The following SLC2A9 variants were observed in gnomAD, a reference collection of about 807,000 sequenced individuals.
SLC2A9 encodes the protein solute carrier family 2 member 9, also known as solute carrier family 2, facilitated glucose transporter member 9.
SLC2A9 carries 39 observed loss-of-function variants against 50.6 expected under a neutral mutation model. That is an observed-to-expected ratio of 0.77 (90% CI 0.60 to 1.01). The LOEUF (loss-of-function observed/expected upper bound fraction) is 1.01. SLC2A9 is among the 50% of genes least tolerant of loss of function. The pLI is 0.00. For missense variants in SLC2A9, 686 were observed against 677.6 expected (o/e 1.01, Z -0.14); for synonymous variants, 324 against 276.9 (o/e 1.17, Z -1.69).
intron 10 of SLC2A9, among the ~76,000 whole-genome samples, chr4:9,845,666 G>A (rs1305967686): frequency 6.6e-6 from 1 of 151,634 alleles, no homozygotes; most frequent in East Asian, 2.0e-4. Context: ...TCCTGACCTC[G>A]TGATCCGCCC....
chr4:9,915,053 C>A (rs1211734443), intron 7 of SLC2A9, among the ~76,000 whole-genome samples: 2 of 152,206 alleles, frequency 1.3e-5, no homozygotes, highest in African/African-American at 2.4e-5. Flanking sequence ...CTGGCCTGGT[C>A]TTCTTTGAAC....
chr4:10,028,448 C>A (rs1763823944), intron 1 of SLC2A9, among the ~76,000 whole-genome samples: 2 of 152,172 alleles, frequency 1.3e-5, no homozygotes, highest in African/African-American at 4.8e-5. Flanking sequence ...AGGTTCCAAC[C>A]CTGGGTCTGC....
chr4:9,790,468 C>T (rs1178332662), intron 3 of SLC2A9, among the ~76,000 whole-genome samples: 1 of 152,098 alleles, frequency 6.6e-6, no homozygotes, highest in Non-Finnish European at 1.5e-5. Context: ...ACACATATGC[C>T]CTCATTCATA....
At chr4:9,792,607 T>A (rs542744673) in intron 3 of SLC2A9, 1 of 152,360 alleles carries the variant, frequency 6.6e-6, no homozygotes, top group South Asian at 2.1e-4. Context: ...GCTGACCTTC[T>A]GTGCCTCTGC....
intron 5 of SLC2A9, among the ~76,000 whole-genome samples, chr4:9,950,121 G>A (rs938706413): frequency 3.9e-5 from 6 of 152,332 alleles, no homozygotes; most frequent in Non-Finnish European, 7.4e-5. Context: ...TGACCCCACA[G>A]AGTACAAGCC....
At chr4:10,010,615 A>T (rs950228880) in intron 2 of SLC2A9, among the ~76,000 whole-genome samples, 4 of 152,178 alleles carry the variant, frequency 2.6e-5, no homozygotes, top group Admixed American at 6.5e-5. Flanking sequence ...CCAGGGAAAC[A>T]AATGAACAGT....
intron 5 of SLC2A9, among the ~76,000 whole-genome samples, chr4:9,973,491 G>T (rs921256948): frequency 1.3e-5 from 2 of 151,940 alleles, no homozygotes; most frequent in African/African-American, 4.8e-5. Context: ...ACAATAAAAA[G>T]AAAATGTGGC....
chr4:9,847,857 T>C (rs1729230391), intron 10 of SLC2A9, among the ~76,000 whole-genome samples: 1 of 152,252 alleles, frequency 6.6e-6, no homozygotes, highest in African/African-American at 2.4e-5. Context: ...CAGACATTGT[T>C]GATCTTGGGC....
At chr4:9,952,536 C>A (rs73227822) in intron 5 of SLC2A9, among the ~76,000 whole-genome samples, 1 of 69,546 alleles carries the variant, frequency 1.4e-5, no homozygotes, top group African/African-American at 6.8e-5. Context: ...ATCTGTCTGT[C>A]TTTTTTTTTT....
At chr4:10,000,699 C>T (rs564915751) in intron 2 of SLC2A9, among the ~76,000 whole-genome samples, 2 of 152,286 alleles carry the variant, frequency 1.3e-5, no homozygotes, top group East Asian at 3.9e-4. Flanking sequence ...TTCCCGGAAG[C>T]TTCTAACAAA....
intron 8 of SLC2A9, among the ~76,000 whole-genome samples, chr4:9,906,169 T>G (rs1740625873): frequency 6.6e-6 from 1 of 152,106 alleles, no homozygotes; most frequent in Non-Finnish European, 1.5e-5. Context: ...GATGATGGCT[T>G]TTAGAAGTGG....
intron 5 of SLC2A9, among the ~76,000 whole-genome samples, chr4:9,954,054 C>T (rs1190499543): frequency 1.3e-5 from 2 of 152,226 alleles, no homozygotes; most frequent in East Asian, 1.9e-4. Flanking sequence ...GGTGATCCAC[C>T]CACCTCAGCC....
chr4:9,791,163 T>G (rs943865809), intron 3 of SLC2A9, among the ~76,000 whole-genome samples: 1 of 152,234 alleles, frequency 6.6e-6, no homozygotes, highest in African/African-American at 2.4e-5. Flanking sequence ...GATTCTCAGA[T>G]TCCTTGTTGG....
chr4:9,934,587 C>T (rs1746724245), intron 6 of SLC2A9, among the ~76,000 whole-genome samples: 1 of 152,198 alleles, frequency 6.6e-6, no homozygotes, highest in South Asian at 2.1e-4. Context: ...AGGAAACAGT[C>T]ATCTGGAGAG....
chr4:9,968,009 C>T (rs980865699), intron 5 of SLC2A9, among the ~76,000 whole-genome samples: 1 of 152,048 alleles, frequency 6.6e-6, no homozygotes, highest in Non-Finnish European at 1.5e-5. Context: ...CAATACAAAA[C>T]TAAAAATTTG....
At chr4:9,805,022 G>A (rs1721940610) in intron 3 of SLC2A9, among the ~76,000 whole-genome samples, 1 of 152,192 alleles carries the variant, frequency 6.6e-6, no homozygotes, top group African/African-American at 2.4e-5. Flanking sequence ...GCCCCTGAAA[G>A]AGACTCTGCC....
chr4:9,859,210 A>G (rs1276996705), intron 10 of SLC2A9, among the ~76,000 whole-genome samples: 1 of 147,800 alleles, frequency 6.8e-6, no homozygotes, highest in Admixed American at 6.9e-5. Flanking sequence ...TTGTTTTCAT[A>G]TATACATCTA....
chr4:9,984,992 C>T (rs77275218), intron 4 of SLC2A9, among the ~76,000 whole-genome samples: 2,129 of 152,298 alleles, frequency 0.014, 23 homozygotes, highest in Middle Eastern at 0.054. Context: ...CCTCCTTCCG[C>T]CTCTGAGACA....
At chr4:9,906,545 A>G (rs573187470) in intron 8 of SLC2A9, among the ~76,000 whole-genome samples, 2 of 152,240 alleles carry the variant, frequency 1.3e-5, no homozygotes, top group African/African-American at 4.8e-5. Context: ...CTGTGCTACT[A>G]TGTAAGAAAT....
Sources: gnomAD v4.1 joint callset for allele counts (sites outside exome capture counted in the v4.1 genomes callset) on GRCh38, gnomAD v4.1.1 for gene constraint, MANE v1.5 for transcripts, NCBI Gene and HGNC (gene_info 2026-07-23, HGNC 2026-07-21) for gene names.